Variants in MIOS observed in about 807,000 individuals in gnomAD.
MIOS encodes the protein meiosis regulator for oocyte development, also known as GATOR2 complex protein MIOS.
A neutral mutation model predicts 96.9 loss-of-function variants in MIOS; 52 were observed. That is an observed-to-expected ratio of 0.54 (90% CI 0.43 to 0.68). The LOEUF is 0.68. Ranked by LOEUF, MIOS falls within the 30% of genes least tolerant of loss-of-function variation. MIOS has a pLI of 0.00. For synonymous variants in MIOS, 397 were observed against 359.5 expected, an observed-to-expected ratio of 1.10 and a Z score of -1.18; for missense variants, 1,005 against 1,052.8, an observed-to-expected ratio of 0.95 and a Z score of 0.63.
At chr7:7,580,152 A>C (rs1027000914) in intron 5 of MIOS, among the ~76,000 whole-genome samples, 8 of 152,266 alleles carry the variant, frequency 5.3e-5, no homozygotes, top group Admixed American at 2.0e-4. Context: ...ACCTGAAATT[A>C]AATGACTGCA....
intron 9 of MIOS, among the ~76,000 whole-genome samples, chr7:7,592,960 T>G (rs888155237): frequency 6.6e-6 from 1 of 152,200 alleles, no homozygotes; most frequent in African/African-American, 2.4e-5. Flanking sequence ...AAACACTATT[T>G]TCCCAAGCCC....
chr7:7,583,091 C>G (rs1326085866), intron 5 of MIOS, 27 bp from the exon 6 acceptor site: 1 of 1,580,124 alleles, frequency 6.3e-7, no homozygotes, highest in Non-Finnish European at 8.6e-7. Context: ...TGAAATAAAA[C>G]AATATAAAAA....
chr7:7,585,943 G>C (rs1783873405), intron 7 of MIOS, 138 bp downstream of exon 7: 1 of 752,026 alleles, frequency 1.3e-6, no homozygotes, highest in Non-Finnish European at 1.9e-6. Flanking sequence ...GGCATCTTGG[G>C]CTTTTTTTTT....
At chr7:7,581,061 C>A (rs1479204563) in intron 5 of MIOS, among the ~76,000 whole-genome samples, 1 of 150,678 alleles carries the variant, frequency 6.6e-6, no homozygotes, top group African/African-American at 2.4e-5. Flanking sequence ...GTGGCTCATG[C>A]CTGTAATCCC....
intron 1 of MIOS, chr7:7,567,307 A>G (rs1402608575): frequency 6.6e-6 from 1 of 152,048 alleles, no homozygotes; most frequent in Non-Finnish European, 1.5e-5. Context: ...GGAACACGCT[A>G]CAGCCTTCGC....
Position 7,569,472 on chromosome 7 carries a change from G to A in MIOS, c.-41+1349G>A, listed in dbSNP as rs142839219. Among the ~76,000 whole-genome samples the A allele has an allele frequency of 2.6e-3, 403 of 152,346 alleles. 1 individual carries two copies. The highest frequency in any genetic ancestry group is 9.4e-3 in the African/African-American group (389 of 41,586). ...TTGGCCGGAGCCAGCCTCTCCTAGGGAGCGTAGAAGTGGAAGCATGAGGAA... is the reference window on the plus strand; with the variant it reads ...TTGGCCGGAGCCAGCCTCTCCTAGGAAGCGTAGAAGTGGAAGCATGAGGAA... On this transcript the variant is annotated intron_variant, in intron 3 of 12. Transcript: ENST00000340080.
chr7:7,593,879 C>CAAAAAAAAAAAAAAAAAAAAA (rs35986278), intron 9 of MIOS, among the ~76,000 whole-genome samples: 2 of 47,862 alleles, frequency 4.2e-5, no homozygotes, highest in African/African-American at 6.6e-5. Flanking sequence ...ACTCTGTCTC[C>CAAAAAAAAAAAAAAAAAAAAA]AAAAAAAAAA....
At chr7:7,580,877 G>T (rs1423316278) in intron 5 of MIOS, among the ~76,000 whole-genome samples, 4 of 150,036 alleles carry the variant, frequency 2.7e-5, no homozygotes, top group Admixed American at 2.6e-4. Context: ...AGTAGAGACC[G>T]GGTTTTGCCA....
rs964450699 is a variant in MIOS, at chr7:7,589,097, A to G, written c.1885-308A>G. On this transcript the variant is annotated intron_variant, in intron 8 of 12. Transcript: ENST00000340080. ...TTTTGTGATTCTGTTACATACTACT[A>G]TGATAGACAGCAAAAATTTCGCAGA... Among the ~76,000 whole-genome samples the G allele has an allele frequency of 3.3e-5, 5 of 152,144 alleles. No homozygotes were observed. In the East Asian group the frequency reaches 9.6e-4, roughly 29 times the overall value.
Position 7,597,517 on chromosome 7 carries a change from T to TATATATATATATATATATAAAA in MIOS, c.2401+1056_2401+1057insATATATATATATATATATAAAA, listed in dbSNP as rs372634070. ...ATATATATATATATATATATATATA[T>TATATATATATATATATATAAAA]GAAGGCAATACGTAATGTTTTAAAT... On this transcript the variant is annotated intron_variant, in intron 11 of 12. Transcript: ENST00000340080. Among the ~76,000 whole-genome samples the TATATATATATATATATATAAAA allele has an allele frequency of 4.3e-4, 30 of 70,442 alleles. 11 individuals are homozygous for TATATATATATATATATATAAAA. Among genetic ancestry groups the TATATATATATATATATATAAAA allele is most frequent in the Admixed American group, 7.3e-4 (4 of 5,508 alleles). 46.2% of individuals were successfully genotyped at this position (70,442 alleles called of 152,430 possible).
intron 7 of MIOS, among the ~76,000 whole-genome samples, chr7:7,587,983 T>G (rs1783941446): frequency 1.3e-5 from 2 of 152,316 alleles, no homozygotes; most frequent in African/African-American, 4.8e-5. Context: ...ATAACAACTT[T>G]AGCCACAAGA....
intron 5 of MIOS, among the ~76,000 whole-genome samples, chr7:7,581,441 G>A (rs114796702): frequency 8.5e-4 from 129 of 152,302 alleles, no homozygotes; most frequent in African/African-American, 3.0e-3. Flanking sequence ...AACTTTGGTA[G>A]TGTATTTTCA....
intron 11 of MIOS, among the ~76,000 whole-genome samples, chr7:7,604,879 G>A (rs74608925): frequency 5.9e-4 from 90 of 151,980 alleles, no homozygotes; most frequent in Admixed American, 1.5e-3. Flanking sequence ...GTAAAGTAGT[G>A]TACATATCAG....
chr7:7,594,895 T>C, intron 9 of MIOS, 85 bp from the exon 10 acceptor site: 1 of 1,031,720 alleles, frequency 9.7e-7, no homozygotes, highest in Non-Finnish European at 1.3e-6. Flanking sequence ...TTCTTCTGTG[T>C]TACTCATACT....
At chr7:7,597,517 T>TATATATATATAAA (rs372634070) in intron 11 of MIOS, among the ~76,000 whole-genome samples, 22 of 70,408 alleles carry the variant, frequency 3.1e-4, no homozygotes, top group Non-Finnish European at 4.7e-4. Flanking sequence ...TATATATATA[T>TATATATATATAAA]GAAGGCAATA....
chr7:7,606,947 A>C lies in MIOS; in HGVS notation c.2532-49A>C, dbSNP rs376676775. On this transcript the variant is annotated intron_variant, in intron 12 of 12. Transcript: ENST00000340080. ...AAAAAATAAATAAATAAATAAATGT[A>C]TGTCTGTCTAATTTGGATTTTTAAC... The C allele has an allele frequency of 2.8e-5, 36 of 1,290,538 alleles. No homozygotes were observed. The African/African-American group carries it at 3.6e-4, about 13-fold the overall frequency. 79.9% of individuals were successfully genotyped at this position (1,290,538 alleles called of 1,614,324 possible).
intron 5 of MIOS, among the ~76,000 whole-genome samples, chr7:7,574,714 C>T (rs7796700): frequency 0.69 from 104,392 of 151,766 alleles, 35,981 homozygotes; most frequent in Admixed American, 0.76. Flanking sequence ...AATTAATTAA[C>T]GTGTGAGTTA....
intron 11 of MIOS, among the ~76,000 whole-genome samples, chr7:7,603,725 G>T (rs1784444586): frequency 6.6e-6 from 1 of 152,090 alleles, no homozygotes. Flanking sequence ...TATACCCAAA[G>T]GATTATAAAT....
chr7:7,578,271 A>G (rs1017527922), intron 5 of MIOS, among the ~76,000 whole-genome samples: 2 of 152,232 alleles, frequency 1.3e-5, no homozygotes, highest in Admixed American at 6.5e-5. Context: ...ACAGACCTGT[A>G]TAGCAAGTTC....
Sources: allele counts gnomAD v4.1 joint callset (sites outside exome capture counted in the v4.1 genomes callset), GRCh38; gene constraint gnomAD v4.1.1; transcripts MANE v1.5; gene names NCBI Gene and HGNC (gene_info 2026-07-23, HGNC 2026-07-21).